The following CENPW variants were observed in gnomAD, a reference collection of about 807,000 sequenced individuals.
CENPW encodes cancer-up-regulated gene 2 protein.
Under a neutral mutation model 11.1 loss-of-function variants are expected in CENPW, and 3 were observed. That is an observed-to-expected ratio of 0.27 (90% confidence interval 0.12 to 0.70). The LOEUF is 0.70. Ranked by LOEUF, CENPW falls within the 30% of genes least tolerant of loss-of-function variation. CENPW has a pLI of 0.77. For synonymous variants in CENPW, 38 were observed against 42.0 expected (o/e 0.91, Z 0.37); for missense variants, 100 against 105.6 (o/e 0.95, Z 0.23).
chr6:126,350,056 G>A (rs554095977), downstream of CENPW, among the ~76,000 whole-genome samples: 9 of 152,060 alleles, frequency 5.9e-5, no homozygotes, highest in South Asian at 1.9e-3. Flanking sequence ...AAAAAGAAAT[G>A]GCCAAATGAT....
At chr6:126,461,952 C>T in the CENPW span, among the ~76,000 whole-genome samples, 1 of 151,826 alleles carries the variant, frequency 6.6e-6, no homozygotes, top group East Asian at 1.9e-4. Flanking sequence ...TCATTTCTAA[C>T]AACATTGTAA....
chr6:126,440,408 T>G, the CENPW span, among the ~76,000 whole-genome samples: 3 of 151,682 alleles, frequency 2.0e-5, no homozygotes, highest in Non-Finnish European at 4.4e-5. Flanking sequence ...GGAGTTATTA[T>G]TTTGTTAAAA....
the CENPW span, among the ~76,000 whole-genome samples, chr6:126,389,398 A>C: frequency 6.6e-6 from 1 of 151,904 alleles, no homozygotes; most frequent in Non-Finnish European, 1.5e-5. Flanking sequence ...TGAGGCACTG[A>C]TTTCTCCCAA....
At chr6:126,409,096 C>T in the CENPW span, among the ~76,000 whole-genome samples, 2 of 151,958 alleles carry the variant, frequency 1.3e-5, no homozygotes, top group African/African-American at 4.8e-5. Context: ...TTGCTATAAA[C>T]TTCAACTTAT....
At chr6:126,427,459 TCTA>T in the CENPW span, among the ~76,000 whole-genome samples, 1 of 152,166 alleles carries the variant, frequency 6.6e-6, no homozygotes, top group African/African-American at 2.4e-5. Context: ...ACCTAAAACA[TCTA>T]CCAGCTACAT....
the CENPW span, among the ~76,000 whole-genome samples, chr6:126,433,785 C>A: frequency 1.3e-5 from 2 of 151,982 alleles, no homozygotes; most frequent in Non-Finnish European, 2.9e-5. Context: ...AAAGTCTCAA[C>A]CTTGTCTTGA....
chr6:126,442,271 A>G, the CENPW span, among the ~76,000 whole-genome samples: 1 of 151,556 alleles, frequency 6.6e-6, no homozygotes, highest in African/African-American at 2.4e-5. Flanking sequence ...TTGTCTATTC[A>G]TGATCTTAGC....
chr6:126,444,029 T>G, the CENPW span, among the ~76,000 whole-genome samples: 280 of 151,118 alleles, frequency 1.9e-3, 7 homozygotes, highest in East Asian at 0.039. Flanking sequence ...GCATTGCTGT[T>G]AAAAAGCATG....
At chr6:126,472,719 T>C in the CENPW span, among the ~76,000 whole-genome samples, 1 of 152,206 alleles carries the variant, frequency 6.6e-6, no homozygotes, top group Non-Finnish European at 1.5e-5. Flanking sequence ...TATAAGAAAC[T>C]GACAGGCTGT....
chr6:126,414,126 G>T, the CENPW span, among the ~76,000 whole-genome samples: 6 of 151,890 alleles, frequency 4.0e-5, no homozygotes, highest in African/African-American at 1.4e-4. Flanking sequence ...TATATCAATT[G>T]TGAATATGTA....
chr6:126,415,955 A>T, the CENPW span, among the ~76,000 whole-genome samples: 1 of 152,216 alleles, frequency 6.6e-6, no homozygotes, highest in African/African-American at 2.4e-5. Context: ...AAAATGTGGA[A>T]GCAACTTTGG....
the CENPW span, among the ~76,000 whole-genome samples, chr6:126,417,121 CT>C: frequency 6.6e-6 from 1 of 152,182 alleles, no homozygotes; most frequent in Admixed American, 6.5e-5. Flanking sequence ...TCAGTGTGAC[CT>C]GGATGTGAGT....
At chr6:126,404,756 A>T in the CENPW span, among the ~76,000 whole-genome samples, 1 of 151,434 alleles carries the variant, frequency 6.6e-6, no homozygotes, top group Admixed American at 6.6e-5. Context: ...TTGATTAGTG[A>T]TGTGAAGCAT....
At chr6:126,386,619 G>T in the CENPW span, among the ~76,000 whole-genome samples, 2 of 151,916 alleles carry the variant, frequency 1.3e-5, no homozygotes, top group Non-Finnish European at 2.9e-5. Flanking sequence ...TGAAATAGTT[G>T]TGCAGTGTAC....
chr6:126,389,692 G>A, the CENPW span, among the ~76,000 whole-genome samples: 7 of 151,358 alleles, frequency 4.6e-5, no homozygotes. Context: ...TCCTCATGGG[G>A]TAGAAAACCA....
the CENPW span, among the ~76,000 whole-genome samples, chr6:126,400,501 C>T: frequency 5.9e-5 from 9 of 151,952 alleles, no homozygotes; most frequent in Admixed American, 3.9e-4. Flanking sequence ...GTTGTTAACT[C>T]AGTGAAGTGA....
chr6:126,343,431 T>C (rs1166152900), intron 1 of CENPW, among the ~76,000 whole-genome samples: 2 of 152,114 alleles, frequency 1.3e-5, no homozygotes, highest in African/African-American at 2.4e-5. Flanking sequence ...ATAGGATAGA[T>C]GTATATATGA....
chr6:126,475,380 G>A, the CENPW span, among the ~76,000 whole-genome samples: 1 of 151,666 alleles, frequency 6.6e-6, no homozygotes, highest in East Asian at 1.9e-4. Flanking sequence ...AACATCTCTT[G>A]TGCCCCATAA....
chr6:126,375,419 A>G, the CENPW span, among the ~76,000 whole-genome samples: 1 of 152,192 alleles, frequency 6.6e-6, no homozygotes, highest in African/African-American at 2.4e-5. Context: ...TCTGTGTTGA[A>G]AAAACTATAG....
Sources: allele counts gnomAD v4.1 joint callset (sites outside exome capture counted in the v4.1 genomes callset), GRCh38; gene constraint gnomAD v4.1.1; transcripts MANE v1.5; gene names NCBI Gene and HGNC (gene_info 2026-07-23, HGNC 2026-07-21).